The following PRRG4 variants were observed in gnomAD, a reference collection of about 807,000 sequenced individuals.
PRRG4 encodes the protein transmembrane gamma-carboxyglutamic acid protein 4.
PRRG4 carries 12 observed loss-of-function variants against 20.0 expected under a neutral mutation model. The ratio of observed to expected loss-of-function variants is 0.60; its 90% confidence interval spans 0.38 to 0.97. PRRG4 has a LOEUF of 0.97. Ranked by LOEUF, PRRG4 falls within the 50% of genes least tolerant of loss-of-function variation. PRRG4 has a pLI of 0.00. For synonymous variants in PRRG4, 94 were observed against 96.4 expected (o/e 0.98, Z 0.15); for missense variants, 199 against 265.1 (o/e 0.75, Z 1.73).
chr11:32,839,642 T>A (rs989026827), intron 4 of PRRG4, among the ~76,000 whole-genome samples: 1 of 145,136 alleles, frequency 6.9e-6, no homozygotes, highest in Non-Finnish European at 1.5e-5. Context: ...ATATTTTGAA[T>A]ATTATTAAAA....
chr11:32,834,701 T>G (rs1056907136), intron 2 of PRRG4, among the ~76,000 whole-genome samples: 7 of 152,104 alleles, frequency 4.6e-5, no homozygotes, highest in Non-Finnish European at 8.8e-5. Context: ...ATAAGCAATA[T>G]AAAACATTAT....
At chr11:32,844,682 G>A (rs1383734063) in intron 5 of PRRG4, among the ~76,000 whole-genome samples, 1 of 151,846 alleles carries the variant, frequency 6.6e-6, no homozygotes, top group Non-Finnish European at 1.5e-5. Context: ...TGTATTTTTA[G>A]TAGAGACGAG....
chr11:32,842,685 A>G (rs940163322), intron 5 of PRRG4, among the ~76,000 whole-genome samples: 13 of 152,040 alleles, frequency 8.6e-5, no homozygotes, highest in Admixed American at 4.6e-4. Flanking sequence ...AAGCCATTGC[A>G]CTCTAGCCTA....
intron 2 of PRRG4, among the ~76,000 whole-genome samples, chr11:32,832,606 G>A (rs1001882776): frequency 2.7e-5 from 4 of 148,492 alleles, no homozygotes; most frequent in African/African-American, 5.0e-5. Context: ...TCAGCCTCCC[G>A]AGTAGCTGGG....
chr11:32,847,825 G>A lies in PRRG4; in HGVS notation c.450-5471G>A, dbSNP rs147228832. Among the ~76,000 whole-genome samples, 755 of 152,256 alleles carry A rather than the reference G, an allele frequency of 5.0e-3. 6 individuals are homozygous for A. The highest frequency in any genetic ancestry group is 0.017 in the African/African-American group (700 of 41,536). On this transcript the variant is annotated intron_variant, in intron 5 of 5. Transcript: ENST00000257836. ...ATAAAAAATAATGAAGTTCTGATAC[G>A]TGCTACAATATGGATGAACCCTGAA...
chr11:32,840,217 T>A lies in PRRG4; in HGVS notation c.427T>A (p.Cys143Ser). The change falls in exon 5 of 6, where the codon TGT (cysteine) becomes AGT (serine). Residue 143 changes from cysteine to serine, a missense_variant. Cys to Ser is a moderately radical substitution (Grantham distance 112, BLOSUM62 -1). Transcript: ENST00000257836. The surrounding 1 kb of genome is among the most constrained non-coding windows in gnomAD (Gnocchi z 4.1). ...TGGCTACTATCTTTGTATCACTAAG[T>A]GTAATAGGCTACAACATCCATGGTA... is the stretch of plus-strand genomic sequence containing the variant. ...LLGYYLCITK[C>S]NRLQHPCSSA... 1.3e-6 allele frequency: 2 copies of A among 1,598,078 alleles called. No individual in the cohort carries two copies. The highest frequency in any genetic ancestry group is 1.7e-6 in the Non-Finnish European group (2 of 1,167,666).
In PRRG4 at chr11:32,836,644, C is replaced by T; in HGVS notation, c.104-14C>T. The T allele has an allele frequency of 6.9e-7, 1 of 1,449,878 alleles. No homozygotes were observed. The highest frequency in any genetic ancestry group is 9.5e-7 in the Non-Finnish European group (1 of 1,052,956). The allele number at this position is 1,449,878 out of a possible 1,614,324, so 89.8% of individuals were successfully genotyped here. A position where few individuals can be genotyped will look rare whatever the true frequency, so the allele number is the denominator to read the frequency against. Reference sequence around the variant, plus strand: ...ATTTGATCAATGTTTAAGTCTTTTTCATTACTTTATTAGTGTTTACATCAA... The same window carrying T: ...ATTTGATCAATGTTTAAGTCTTTTTTATTACTTTATTAGTGTTTACATCAA... On this transcript the variant is annotated splice_polypyrimidine_tract_variant and intron_variant, in intron 2 of 5. Transcript: ENST00000257836.
chr11:32,839,853 TTA>T (rs1851061117), intron 4 of PRRG4, among the ~76,000 whole-genome samples: 3 of 146,950 alleles, frequency 2.0e-5, no homozygotes, highest in Admixed American at 1.4e-4. Context: ...TTTTAAATAT[TTA>T]AAAAATATAT....
intron 2 of PRRG4, among the ~76,000 whole-genome samples, chr11:32,836,142 T>A (rs571046472): frequency 1.3e-5 from 2 of 152,066 alleles, no homozygotes; most frequent in African/African-American, 4.8e-5. Flanking sequence ...CTTAAAGAGA[T>A]CTTAGTGATT....
At chr11:32,841,556 TGGG>T (rs1443806458) in intron 5 of PRRG4, among the ~76,000 whole-genome samples, 1 of 152,112 alleles carries the variant, frequency 6.6e-6, no homozygotes, top group Non-Finnish European at 1.5e-5. Context: ...CCCAGCACTT[TGGG>T]AGGCCAAGGT....
At position 32,830,533 on chromosome 11, in the gene PRRG4, T is replaced by C; in HGVS notation, c.4T>C (p.Phe2Leu). Residue 2 changes from phenylalanine (F) to leucine (L), a missense_variant, in exon 2 of 6, where the codon TTT becomes CTT. Physicochemically the swap from Phe to Leu is conservative, Grantham distance 22 (BLOSUM62 0). Transcript: ENST00000257836. ...TTTGTTTGACAGTTGCCAGACTATG[T>C]TTACGCTTCTGGTTCTACTCAGCCA... is the stretch of plus-strand genomic sequence containing the variant. M[F>L]TLLVLLSQLP... 4.4e-6 allele frequency: 7 copies of C among 1,576,148 alleles called. No individual in the cohort carries two copies. The highest frequency in any genetic ancestry group is 6.0e-6 in the Non-Finnish European group (7 of 1,168,712).
At chr11:32,851,566 T>C (rs1235162499) in intron 5 of PRRG4, among the ~76,000 whole-genome samples, 4 of 152,240 alleles carry the variant, frequency 2.6e-5, no homozygotes, top group Non-Finnish European at 5.9e-5. Context: ...TTCTTCTTTC[T>C]CGCAATTTTT....
At chr11:32,842,456 C>T (rs1851087527) in intron 5 of PRRG4, among the ~76,000 whole-genome samples, 1 of 152,130 alleles carries the variant, frequency 6.6e-6, no homozygotes, top group African/African-American at 2.4e-5. Flanking sequence ...AGCAGTGGCT[C>T]ACACCTGTAA....
At chr11:32,832,898 A>G (rs1164876563) in intron 2 of PRRG4, among the ~76,000 whole-genome samples, 1 of 152,214 alleles carries the variant, frequency 6.6e-6, no homozygotes, top group Admixed American at 6.5e-5. Context: ...GTGAATTTAT[A>G]GCAGTGAAAT....
chr11:32,842,702 G>A (rs1209778682), intron 5 of PRRG4, among the ~76,000 whole-genome samples: 2 of 151,974 alleles, frequency 1.3e-5, no homozygotes, highest in African/African-American at 2.4e-5. Flanking sequence ...CCTAGGCAGC[G>A]AGAGTGAAAC....
At chr11:32,838,274 C>T (rs1211300269) in intron 3 of PRRG4, among the ~76,000 whole-genome samples, 1 of 151,862 alleles carries the variant, frequency 6.6e-6, no homozygotes, top group Admixed American at 6.6e-5. Context: ...CTGGGCTTCA[C>T]GATGAAACTC....
intron 5 of PRRG4, among the ~76,000 whole-genome samples, chr11:32,849,738 C>T (rs1191335263): frequency 6.6e-6 from 1 of 151,998 alleles, no homozygotes; most frequent in Non-Finnish European, 1.5e-5. Flanking sequence ...TGAAGGATGC[C>T]CACAATAAGG....
chr11:32,853,165 G>A (rs1851198948), intron 5 of PRRG4, 131 bp from the exon 6 acceptor site: 1 of 658,192 alleles, frequency 1.5e-6, no homozygotes, highest in Admixed American at 2.8e-5. Context: ...GAGTCTGGGG[G>A]TAAAATAAAA....
At position 32,840,207 on chromosome 11, in the gene PRRG4, T is replaced by C; in HGVS notation, c.417T>C (p.Cys139=). 1.2e-6 allele frequency: 2 copies of C among 1,604,664 alleles called. No homozygotes were observed. Among genetic ancestry groups the C allele is most frequent in the Non-Finnish European group, 1.7e-6 (2 of 1,172,210 alleles). ...TTGGATTACTTGGCTACTATCTTTG[T>C]ATCACTAAGTGTAATAGGCTACAAC... ...VIFGLLGYYL[C]ITKCNRLQHP... The change falls in exon 5 of 6, where the codon TGT becomes TGC. Residue 139 remains cysteine, a synonymous_variant. Transcript: ENST00000257836. The surrounding 1 kb of genome is among the most constrained non-coding windows in gnomAD (Gnocchi z 4.1).
Sources: gnomAD v4.1 joint callset for allele counts (sites outside exome capture counted in the v4.1 genomes callset) on GRCh38, gnomAD v4.1.1 for gene constraint, Gnocchi (gnomAD v3.1) non-coding constraint, MANE v1.5 for transcripts, NCBI Gene and HGNC (gene_info 2026-07-23, HGNC 2026-07-21) for gene names.